Variants in SLBP observed in about 807,000 individuals in gnomAD.
SLBP encodes stem-loop histone mRNA binding protein.
A neutral mutation model predicts 39.2 loss-of-function variants in SLBP; 29 were observed. That is an observed-to-expected ratio of 0.74 (90% CI 0.55 to 1.01). SLBP has a LOEUF of 1.01. Ranked by LOEUF, SLBP falls within the 50% of genes least tolerant of loss-of-function variation. SLBP has a pLI of 0.00. For synonymous variants in SLBP, 129 were observed against 118.7 expected (o/e 1.09, Z -0.57); for missense variants, 390 against 350.2 (o/e 1.11, Z -0.91).
chr4:1,697,377 G>C (rs1560243816), intron 5 of SLBP, among the ~76,000 whole-genome samples: 1 of 151,752 alleles, frequency 6.6e-6, no homozygotes. Flanking sequence ...GCTGAGGCAG[G>C]AGAATCACTT....
chr4:1,712,208 G>A lies in SLBP; in HGVS notation c.-20C>T, dbSNP rs1366068253. ...GGCCATGGCAGCACGGGCCGGGCGCGCAGCGCAGGGCCGAGGCTGAGGCGG... is the reference window on the plus strand; with the variant it reads ...GGCCATGGCAGCACGGGCCGGGCGCACAGCGCAGGGCCGAGGCTGAGGCGG... On this transcript the variant is annotated 5_prime_UTR_variant, in exon 1 of 8. Coordinates refer to ENST00000489418, the MANE Select transcript of SLBP (RefSeq NM_006527.4). 56 of 1,236,676 alleles carry A rather than the reference G, an allele frequency of 4.5e-5. No homozygotes were observed. The highest frequency in any genetic ancestry group is 5.4e-5 in the Non-Finnish European group (53 of 989,306). The allele number at this position is 1,236,676 out of a possible 1,614,324, so 76.6% of individuals were successfully genotyped here. A position where few individuals can be genotyped will look rare whatever the true frequency, so the allele number is the denominator to read the frequency against.
At chr4:1,696,433 G>C (rs1240675541) in intron 5 of SLBP, 82 bp from the exon 6 acceptor site, 1 of 1,188,656 alleles carries the variant, frequency 8.4e-7, no homozygotes, top group East Asian at 2.7e-5. Context: ...CAAACTATGA[G>C]ATTAGTATTA....
intron 4 of SLBP, 143 bp from the exon 5 acceptor site, chr4:1,699,844 T>C: frequency 1.2e-6 from 1 of 858,988 alleles, no homozygotes; most frequent in Non-Finnish European, 1.8e-6. Flanking sequence ...GTCCGGAGAC[T>C]GCATGTATGG....
At position 1,712,137 on chromosome 4, in the gene SLBP, C is replaced by A; in HGVS notation, c.52G>T (p.Asp18Tyr). The change falls in exon 1 of 8, where the codon GAC becomes TAC. Residue 18 changes from aspartate to tyrosine, a missense_variant. By Grantham distance (160) the Asp-to-Tyr change is radical. Coordinates refer to ENST00000489418, the MANE Select transcript of SLBP (RefSeq NM_006527.4). ...CGCGCAGCCCGGCCTCACCTGGCGT[C>A]ACCGTCGCAGCGGCTCTGATGCCTC... is the stretch of plus-strand genomic sequence containing the variant. ...PPRHQSRCDG[D>Y]ASPPSPARWS... 1 of 1,231,162 alleles carries A rather than the reference C, an allele frequency of 8.1e-7. No homozygotes were observed. The highest frequency in any genetic ancestry group is 3.8e-5 in the South Asian group (1 of 26,384). 76.3% of individuals were successfully genotyped at this position (1,231,162 alleles called of 1,614,324 possible). A position where few individuals can be genotyped will look rare whatever the true frequency, so the allele number is the denominator to read the frequency against.
Position 1,707,468 on chromosome 4 carries a change from C to T in SLBP, c.177-3768G>A, listed in dbSNP as rs185097668. Among the ~76,000 whole-genome samples the T allele has an allele frequency of 6.4e-4, 95 of 147,466 alleles. 5 individuals are homozygous for T. Among genetic ancestry groups the T allele is most frequent in the Non-Finnish European group, 1.1e-3 (70 of 64,950 alleles). Reference sequence around the variant, plus strand: ...TTGCACTCCAGCCTGGGCAACAGAACGAGATTCCATCTAAAAAAAATAATA... The same window carrying T: ...TTGCACTCCAGCCTGGGCAACAGAATGAGATTCCATCTAAAAAAAATAATA... On this transcript the variant is annotated intron_variant, in intron 2 of 7. Transcript: ENST00000489418.
At chr4:1,693,739 T>G (rs532082476) in intron 7 of SLBP, 26 bp from the exon 8 acceptor site, 1 of 1,474,930 alleles carries the variant, frequency 6.8e-7, no homozygotes, top group South Asian at 1.1e-5. Context: ...ATGGCTCGGT[T>G]GACATTCATC....
chr4:1,705,491 T>C (rs1408369364), intron 2 of SLBP, among the ~76,000 whole-genome samples: 1 of 152,196 alleles, frequency 6.6e-6, no homozygotes, highest in Non-Finnish European at 1.5e-5. Context: ...TTAGACTACT[T>C]GTTTTATTTT....
chr4:1,693,821 C>T (rs1191285634), intron 7 of SLBP, 108 bp from the exon 8 acceptor site: 1 of 717,224 alleles, frequency 1.4e-6, no homozygotes, highest in Admixed American at 2.0e-5. Context: ...TAATGCACAG[C>T]AAGGTGTACA....
At chr4:1,699,018 A>T (rs781291367) in intron 5 of SLBP, among the ~76,000 whole-genome samples, 1 of 151,980 alleles carries the variant, frequency 6.6e-6, no homozygotes, top group Non-Finnish European at 1.5e-5. Context: ...TCCTGGCCTC[A>T]AGCAGTCCTC....
At chr4:1,710,447 G>C (rs1419966549) in intron 2 of SLBP, among the ~76,000 whole-genome samples, 1 of 152,234 alleles carries the variant, frequency 6.6e-6, no homozygotes, top group Non-Finnish European at 1.5e-5. Context: ...AAAAGTGTCT[G>C]AGACAGGTCT....
At chr4:1,710,875 C>T (rs798742) in intron 2 of SLBP, among the ~76,000 whole-genome samples, 2,386 of 151,502 alleles carry the variant, frequency 0.016, 38 homozygotes, top group South Asian at 0.065. Flanking sequence ...CATGGTGAAA[C>T]CCTGTCTCTA....
At chr4:1,710,469 G>A (rs571458969) in intron 2 of SLBP, among the ~76,000 whole-genome samples, 5 of 152,182 alleles carry the variant, frequency 3.3e-5, no homozygotes, top group Non-Finnish European at 4.4e-5. Flanking sequence ...AATTGCTTTA[G>A]GAATTTAGCT....
intron 2 of SLBP, among the ~76,000 whole-genome samples, chr4:1,709,757 G>A (rs376184613): frequency 2.5e-4 from 38 of 152,104 alleles, no homozygotes; most frequent in Middle Eastern, 3.4e-3. Flanking sequence ...GACTACAGGC[G>A]CCCGCTACCA....
intron 3 of SLBP, among the ~76,000 whole-genome samples, chr4:1,703,387 G>A (rs935173414): frequency 3.9e-5 from 6 of 152,082 alleles, no homozygotes; most frequent in African/African-American, 1.4e-4. Flanking sequence ...CGCCTGGAGG[G>A]CTTTTCACAG....
chr4:1,694,738 A>C (rs1716041757), intron 7 of SLBP, 36 bp downstream of exon 7: 8 of 1,477,784 alleles, frequency 5.4e-6, no homozygotes, highest in Non-Finnish European at 6.6e-6. Context: ...ATTCACCTGC[A>C]ACCCCCAAGC....
In SLBP at chr4:1,703,250, A is replaced by G. The variant is rs76658171; in HGVS notation, c.281+346T>C. 2.2e-3 allele frequency among the ~76,000 whole-genome samples: 320 copies of G among 142,704 alleles called. 5 individuals carry two copies. Among genetic ancestry groups the G allele is most frequent in the Middle Eastern group, 3.6e-3 (1 of 278 alleles). The allele number at this position is 142,704 out of a possible 152,430, so 93.6% of individuals were successfully genotyped here. On this transcript the variant is annotated intron_variant, in intron 3 of 7. Coordinates refer to ENST00000489418, the MANE Select transcript of SLBP (RefSeq NM_006527.4). The stretch of plus-strand genomic sequence containing the variant: ...AGACTGTCTCAAAAAAAAAAAAAAA[A>G]AAAGAAAGTTAGTTCTGATAGTCCT...
At chr4:1,693,909 G>A (rs1030181754) in intron 7 of SLBP, among the ~76,000 whole-genome samples, 196 bp from the exon 8 acceptor site, 4 of 152,152 alleles carry the variant, frequency 2.6e-5, no homozygotes, top group African/African-American at 4.8e-5. Flanking sequence ...AGACACTGAC[G>A]TTTAGATGTG....
At chr4:1,709,604 C>T (rs1158820124) in intron 2 of SLBP, among the ~76,000 whole-genome samples, 1 of 150,906 alleles carries the variant, frequency 6.6e-6, no homozygotes, top group Non-Finnish European at 1.5e-5. Flanking sequence ...TCACCCTGAA[C>T]ATCTACTTCT....
At chr4:1,698,726 C>T (rs1334017407) in intron 5 of SLBP, among the ~76,000 whole-genome samples, 1 of 151,842 alleles carries the variant, frequency 6.6e-6, no homozygotes, top group Non-Finnish European at 1.5e-5. Flanking sequence ...CCTCATGATC[C>T]GCACTCCTCG....
Sources: gnomAD v4.1 joint callset for allele counts (sites outside exome capture counted in the v4.1 genomes callset) on GRCh38, gnomAD v4.1.1 for gene constraint, MANE v1.5 for transcripts, NCBI Gene and HGNC (gene_info 2026-07-23, HGNC 2026-07-21) for gene names.